KLF15: variants seen among roughly 807,000 people sequenced by gnomAD.
KLF15 encodes KLF transcription factor 15.
KLF15 carries 4 observed loss-of-function variants against 24.6 expected under a neutral mutation model. That is an observed-to-expected ratio of 0.16 (90% CI 0.08 to 0.37). The LOEUF is 0.37. Among genes scored for constraint, KLF15 ranks in the 10% least tolerant of loss-of-function variants. KLF15 has a pLI of 1.00. For synonymous variants in KLF15, 246 were observed against 236.3 expected, an observed-to-expected ratio of 1.04 and a Z score of -0.37; for missense variants, 496 against 560.6, an observed-to-expected ratio of 0.88 and a Z score of 1.16.
chr3:126,292,590 A>G, the KLF15 span, among the ~76,000 whole-genome samples: 1 of 152,336 alleles, frequency 6.6e-6, no homozygotes, highest in East Asian at 1.9e-4. Flanking sequence ...TGGGGTTGAT[A>G]AACACGAGGA....
Position 126,345,805 on chromosome 3 carries a change from C to T in KLF15, c.1083-1910G>A, listed in dbSNP as rs569150482. On this transcript the variant is annotated intron_variant, in intron 2 of 2. Transcript: ENST00000296233. ...CAAGGCACAGGGGGTGGCAGGAGGG[C>T]CTGCAGGAGGAGACAGGAACTCCGA... 7.2e-4 allele frequency among the ~76,000 whole-genome samples: 109 copies of T among 152,182 alleles called. 1 individual carries two copies. Among genetic ancestry groups the T allele is most frequent in the Admixed American group, 5.9e-4 (9 of 15,284 alleles).
At chr3:126,330,348 CT>C in the KLF15 span, among the ~76,000 whole-genome samples, 33 of 152,338 alleles carry the variant, frequency 2.2e-4, no homozygotes, top group African/African-American at 7.7e-4. Flanking sequence ...ACAGTAATTG[CT>C]GACTGAAACA....
the KLF15 span, among the ~76,000 whole-genome samples, chr3:126,298,128 T>A: frequency 1.3e-5 from 2 of 152,266 alleles, no homozygotes; most frequent in South Asian, 2.1e-4. Flanking sequence ...TTTTATTTTT[T>A]AATTATGGTC....
chr3:126,320,346 A>G, the KLF15 span, among the ~76,000 whole-genome samples: 1 of 152,238 alleles, frequency 6.6e-6, no homozygotes, highest in Non-Finnish European at 1.5e-5. Flanking sequence ...TGCCAGCCCA[A>G]CAAAATGTAG....
downstream of KLF15, among the ~76,000 whole-genome samples, chr3:126,341,741 AC>A (rs780113486): frequency 2.7e-4 from 41 of 152,140 alleles, no homozygotes; most frequent in Middle Eastern, 3.4e-3. Flanking sequence ...TGGGTGCCCT[AC>A]CCCCAGCCTC....
chr3:126,319,903 G>A, the KLF15 span, among the ~76,000 whole-genome samples: 3 of 152,136 alleles, frequency 2.0e-5, no homozygotes, highest in South Asian at 2.1e-4. Flanking sequence ...GAGGGAGTAC[G>A]GAGCGACAGC....
chr3:126,319,865 A>G, the KLF15 span, among the ~76,000 whole-genome samples: 59,591 of 151,996 alleles, frequency 0.39, 12,089 homozygotes, highest in Non-Finnish European at 0.46. Flanking sequence ...GGGAGGGGGA[A>G]CTGGAGGAAG....
rs2082489310 is a variant in KLF15 at position 126,342,802 on chromosome 3, A to AT, written c.*924dup. On this transcript the variant is annotated 3_prime_UTR_variant, in exon 3 of 3. Coordinates refer to ENST00000296233, the MANE Select transcript of KLF15 (RefSeq NM_014079.4). The stretch of plus-strand genomic sequence containing the variant: ...AAAGATATTTTATGTGGATGGACCT[A>AT]TGTACAGTTTATTTACATACATTCA... 1 of 152,638 alleles carries AT rather than the reference A, an allele frequency of 6.6e-6. No individual in the cohort carries two copies. The highest frequency in any genetic ancestry group is 1.5e-5 in the Non-Finnish European group (1 of 68,046). The allele number at this position is 152,638 out of a possible 1,614,324, so 9.5% of individuals were successfully genotyped here.
the KLF15 span, among the ~76,000 whole-genome samples, chr3:126,314,845 A>C: frequency 6.6e-6 from 1 of 152,250 alleles, no homozygotes; most frequent in Non-Finnish European, 1.5e-5. Context: ...AGAAAGACAG[A>C]CAGCCAGGAC....
chr3:126,333,376 G>T, the KLF15 span, among the ~76,000 whole-genome samples: 4 of 150,122 alleles, frequency 2.7e-5, no homozygotes, highest in Non-Finnish European at 5.9e-5. Context: ...AATGCTGAGA[G>T]ATTTTGTCAC....
At chr3:126,329,385 G>C in the KLF15 span, among the ~76,000 whole-genome samples, 1 of 152,200 alleles carries the variant, frequency 6.6e-6, no homozygotes, top group Non-Finnish European at 1.5e-5. Flanking sequence ...TCAGGAAGCT[G>C]AGGTGTGGCA....
At chr3:126,297,167 G>A in the KLF15 span, among the ~76,000 whole-genome samples, 4 of 151,770 alleles carry the variant, frequency 2.6e-5, no homozygotes, top group Admixed American at 6.6e-5. Context: ...TAGCTACAGT[G>A]TTATACTTGC....
intron 2 of KLF15, among the ~76,000 whole-genome samples, chr3:126,348,707 C>T (rs1189268686): frequency 5.3e-5 from 8 of 152,222 alleles, no homozygotes; most frequent in Admixed American, 3.9e-4. Context: ...ACAGAGAGGG[C>T]GGATGCCCAC....
chr3:126,298,303 T>C, the KLF15 span, among the ~76,000 whole-genome samples: 1 of 122,744 alleles, frequency 8.1e-6, no homozygotes, highest in South Asian at 2.5e-4. Flanking sequence ...GATTATTAGG[T>C]TTTTTTTTTT....
chr3:126,323,019 C>CT, the KLF15 span, among the ~76,000 whole-genome samples: 24,145 of 132,826 alleles, frequency 0.18, 2,207 homozygotes, highest in East Asian at 0.28. Flanking sequence ...CAAGCCTGTT[C>CT]TTTTTTTTTT....
At chr3:126,350,691 C>T (rs865911572) in intron 2 of KLF15, among the ~76,000 whole-genome samples, 5 of 152,258 alleles carry the variant, frequency 3.3e-5, no homozygotes, top group South Asian at 2.1e-4. Context: ...ACACATGGTG[C>T]ACAAACACCT....
chr3:126,306,131 A>G, the KLF15 span, among the ~76,000 whole-genome samples: 3 of 152,156 alleles, frequency 2.0e-5, no homozygotes, highest in African/African-American at 7.2e-5. Context: ...CTTTCATCTC[A>G]TGCATCGTAC....
At chr3:126,307,952 T>C in the KLF15 span, among the ~76,000 whole-genome samples, 1 of 152,094 alleles carries the variant, frequency 6.6e-6, no homozygotes, top group Non-Finnish European at 1.5e-5. Context: ...CATGGGGGTT[T>C]GGCTGTGCCC....
chr3:126,341,659 C>T (rs1436141260), downstream of KLF15, among the ~76,000 whole-genome samples: 2 of 152,170 alleles, frequency 1.3e-5, no homozygotes, highest in Admixed American at 6.5e-5. Flanking sequence ...GTGAGAACAA[C>T]GGCCTCTGCC....
Sources: allele counts gnomAD v4.1 joint callset (sites outside exome capture counted in the v4.1 genomes callset), GRCh38; gene constraint gnomAD v4.1.1; transcripts MANE v1.5; gene names NCBI Gene and HGNC (gene_info 2026-07-23, HGNC 2026-07-21).